CTNNA2: variants seen among roughly 807,000 people sequenced by gnomAD.
CTNNA2 encodes the protein catenin alpha 2.
Under a neutral mutation model 101.0 loss-of-function variants are expected in CTNNA2, and 42 were observed. The ratio of observed to expected loss-of-function variants is 0.42; its 90% CI spans 0.32 to 0.54. CTNNA2 has a LOEUF of 0.54. CTNNA2 is among the 20% of genes least tolerant of loss of function. CTNNA2 has a pLI of 0.14. For missense variants in CTNNA2, 871 were observed against 1,223.1 expected, an observed-to-expected ratio of 0.71 and a Z score of 4.29; for synonymous variants, 450 against 456.4, an observed-to-expected ratio of 0.99 and a Z score of 0.18.
intron 9 of CTNNA2, among the ~76,000 whole-genome samples, chr2:80,422,807 G>A (rs949234230): frequency 6.6e-6 from 1 of 152,110 alleles, no homozygotes; most frequent in African/African-American, 2.4e-5. Flanking sequence ...GGAAGTGAAT[G>A]TATAAGATGA....
chr2:80,239,559 A>T (rs1709732827), intron 7 of CTNNA2, among the ~76,000 whole-genome samples: 1 of 152,160 alleles, frequency 6.6e-6, no homozygotes, highest in African/African-American at 2.4e-5. Flanking sequence ...TACCTATGAC[A>T]AAGTTTAATT....
intron 2 of CTNNA2, among the ~76,000 whole-genome samples, chr2:79,719,180 C>T (rs778923595): frequency 6.6e-6 from 1 of 152,060 alleles, no homozygotes; most frequent in Non-Finnish European, 1.5e-5. Context: ...AATTCACTGT[C>T]CCTGTGTTAA....
In CTNNA2 at chr2:79,819,917, A is replaced by G. The variant is rs147422939; in HGVS notation, c.299-38096A>G. Among the ~76,000 whole-genome samples, 291 of 152,132 alleles carry G rather than the reference A, an allele frequency of 1.9e-3. 1 individual carries two copies. The highest frequency in any genetic ancestry group is 6.7e-3 in the African/African-American group (279 of 41,538). On this transcript the variant is annotated intron_variant, in intron 3 of 18. Transcript: ENST00000402739. ...CCCTATAAATATATACAACTATTATATATTCATAATAATTAAAAATAAAAA... is the reference window on the plus strand; with the variant it reads ...CCCTATAAATATATACAACTATTATGTATTCATAATAATTAAAAATAAAAA...
intron 7 of CTNNA2, among the ~76,000 whole-genome samples, chr2:80,155,655 C>A (rs999280822): frequency 2.0e-5 from 3 of 152,132 alleles, no homozygotes; most frequent in East Asian, 1.9e-4. Flanking sequence ...GATTGGCAAG[C>A]CTTGAGCTGC....
At chr2:80,126,829 A>G (rs192071263) in intron 7 of CTNNA2, among the ~76,000 whole-genome samples, 1 of 152,150 alleles carries the variant, frequency 6.6e-6, no homozygotes, top group African/African-American at 2.4e-5. Flanking sequence ...CTTGCCTTCC[A>G]GCAGTCACAT....
At chr2:79,230,178 A>G (rs1674471306) in intron 2 of CTNNA2, among the ~76,000 whole-genome samples, 1 of 152,220 alleles carries the variant, frequency 6.6e-6, no homozygotes, top group Non-Finnish European at 1.5e-5. Flanking sequence ...TACAATGGGG[A>G]AAATGTCTCC....
At chr2:79,878,837 TG>T (rs1683212363) in intron 6 of CTNNA2, among the ~76,000 whole-genome samples, 1 of 152,388 alleles carries the variant, frequency 6.6e-6, no homozygotes, top group East Asian at 1.9e-4. Flanking sequence ...AGATACCATT[TG>T]TCAATTTTGG....
At chr2:79,758,569 G>C (rs959226565) in intron 3 of CTNNA2, among the ~76,000 whole-genome samples, 2 of 152,148 alleles carry the variant, frequency 1.3e-5, no homozygotes, top group African/African-American at 4.8e-5. Context: ...TAGTACCCAA[G>C]TTAGTTTTTC....
intron 1 of CTNNA2, among the ~76,000 whole-genome samples, chr2:79,192,572 A>G (rs541087817): frequency 6.6e-5 from 10 of 152,320 alleles, no homozygotes; most frequent in South Asian, 2.1e-4. Flanking sequence ...TAAGCTGAAT[A>G]TTTTTGAGAT....
At chr2:80,403,918 T>C (rs1400356622) in intron 8 of CTNNA2, among the ~76,000 whole-genome samples, 2 of 152,218 alleles carry the variant, frequency 1.3e-5, no homozygotes, top group African/African-American at 4.8e-5. Flanking sequence ...GATTTATTGA[T>C]TTGTGTATGT....
At position 79,302,732 on chromosome 2, in the gene CTNNA2, C is replaced by T. The variant is rs151001004; in HGVS notation, c.-405-9977C>T. Among the ~76,000 whole-genome samples the T allele has an allele frequency of 3.1e-3, 478 of 152,172 alleles. 1 individual carries two copies. Among genetic ancestry groups the T allele is most frequent in the African/African-American group, 0.011 (463 of 41,528 alleles). ...AACTAATATGAATTGAGTGTCTATTCGGCACCAGGCATAAAGCTCAGTGAT... is the reference window on the plus strand; with the variant it reads ...AACTAATATGAATTGAGTGTCTATTTGGCACCAGGCATAAAGCTCAGTGAT... On this transcript the variant is annotated intron_variant, in intron 2 of 21. Transcript: ENST00000466387.
At chr2:79,778,578 C>T (rs146295186) in intron 3 of CTNNA2, among the ~76,000 whole-genome samples, 8 of 152,006 alleles carry the variant, frequency 5.3e-5, no homozygotes, top group East Asian at 3.9e-4. Flanking sequence ...AAAACATATA[C>T]GTATATACAT....
intron 2 of CTNNA2, among the ~76,000 whole-genome samples, chr2:79,683,239 A>G (rs1297970141): frequency 6.6e-6 from 1 of 152,202 alleles, no homozygotes. Context: ...TGCTTTGAGA[A>G]ACAGCTTCAG....
chr2:79,986,866 A>C (rs1558702481), intron 7 of CTNNA2, among the ~76,000 whole-genome samples: 1 of 152,292 alleles, frequency 6.6e-6, no homozygotes, highest in Admixed American at 6.5e-5. Flanking sequence ...GCCTCTGTTT[A>C]CATGTTGTCT....
chr2:80,377,311 A>AC (rs1676052039), intron 7 of CTNNA2, among the ~76,000 whole-genome samples: 1 of 152,236 alleles, frequency 6.6e-6, no homozygotes, highest in African/African-American at 2.4e-5. Context: ...TAGGAAGCTT[A>AC]CTATCACAAG....
At chr2:79,401,765 ATTAAG>A (rs1245836645) in intron 4 of CTNNA2, among the ~76,000 whole-genome samples, 1 of 151,724 alleles carries the variant, frequency 6.6e-6, no homozygotes, top group Non-Finnish European at 1.5e-5. Flanking sequence ...CCTATCCATA[ATTAAG>A]TTAAAAGTAA....
intron 7 of CTNNA2, among the ~76,000 whole-genome samples, chr2:80,113,497 A>G (rs1011710556): frequency 3.9e-5 from 6 of 152,226 alleles, no homozygotes; most frequent in Non-Finnish European, 5.9e-5. Context: ...CCGGATCAGG[A>G]ATCAGCAAGC....
chr2:80,374,168 C>G (rs1675707613), intron 7 of CTNNA2, among the ~76,000 whole-genome samples: 1 of 152,112 alleles, frequency 6.6e-6, no homozygotes, highest in East Asian at 1.9e-4. Context: ...GTCCCATCAT[C>G]CAGGTAGTAA....
chr2:79,944,107 C>T (rs1253267618), intron 7 of CTNNA2, among the ~76,000 whole-genome samples: 2 of 150,968 alleles, frequency 1.3e-5, no homozygotes, highest in Non-Finnish European at 2.9e-5. Flanking sequence ...AAGGAGGATT[C>T]TGAAATAATC....
Sources: allele counts gnomAD v4.1 joint callset (sites outside exome capture counted in the v4.1 genomes callset), GRCh38; gene constraint gnomAD v4.1.1; transcripts MANE v1.5; gene names NCBI Gene and HGNC (gene_info 2026-07-23, HGNC 2026-07-21).